The following RBPJ variants were observed in gnomAD, a reference collection of about 807,000 sequenced individuals.
The protein encoded by RBPJ is recombination signal binding protein for immunoglobulin kappa J region.
RBPJ carries 9 observed loss-of-function variants against 67.8 expected under a neutral mutation model. The ratio of observed to expected loss-of-function variants is 0.13; its 90% CI spans 0.08 to 0.23. RBPJ has a LOEUF of 0.23. RBPJ is among the 10% of genes least tolerant of loss of function. The pLI is 1.00. For missense variants in RBPJ, 305 were observed against 595.6 expected (o/e 0.51, Z 5.08); for synonymous variants, 198 against 203.3 (o/e 0.97, Z 0.22).
intron 1 of RBPJ, among the ~76,000 whole-genome samples, chr4:26,351,734 T>C (rs1044562694): frequency 2.0e-5 from 3 of 152,256 alleles, no homozygotes; most frequent in Non-Finnish European, 4.4e-5. Flanking sequence ...TCTGTCAAAA[T>C]AGCTGCTATA....
At chr4:26,269,663 ATTC>A in intron 1 of RBPJ, among the ~76,000 whole-genome samples, 1 of 152,164 alleles carries the variant, frequency 6.6e-6, no homozygotes, top group Non-Finnish European at 1.5e-5. Context: ...CTCTGTCTCA[ATTC>A]ATTCTTACAG....
intron 1 of RBPJ, among the ~76,000 whole-genome samples, chr4:26,248,055 A>C (rs7659346): frequency 2.1e-4 from 32 of 152,268 alleles, no homozygotes; most frequent in Non-Finnish European, 4.1e-4. Flanking sequence ...GCACTTTGGG[A>C]AGCTGAGGCG....
intron 1 of RBPJ, among the ~76,000 whole-genome samples, chr4:26,215,809 C>T (rs1009691253): frequency 1.3e-5 from 2 of 151,468 alleles, no homozygotes; most frequent in East Asian, 1.9e-4. Flanking sequence ...TCCCGCCTCC[C>T]GCATCCCTCT....
At chr4:26,248,239 C>T (rs753119042) in intron 1 of RBPJ, among the ~76,000 whole-genome samples, 5 of 151,984 alleles carry the variant, frequency 3.3e-5, no homozygotes, top group Non-Finnish European at 5.9e-5. Context: ...TGCAATGAGC[C>T]GAGACCATGC....
intron 1 of RBPJ, among the ~76,000 whole-genome samples, chr4:26,369,378 A>G (rs553513165): frequency 1.3e-5 from 2 of 152,348 alleles, no homozygotes; most frequent in South Asian, 2.1e-4. Flanking sequence ...CCCTTACCAA[A>G]TGATTTACCC....
the RBPJ span, among the ~76,000 whole-genome samples, chr4:26,106,860 A>C: frequency 6.6e-6 from 1 of 152,178 alleles, no homozygotes; most frequent in East Asian, 1.9e-4. Context: ...TGGACCTGGG[A>C]GAGACTGAAT....
intron 2 of RBPJ, among the ~76,000 whole-genome samples, chr4:26,387,790 G>A (rs1013071899): frequency 6.6e-6 from 1 of 152,200 alleles, no homozygotes; most frequent in Non-Finnish European, 1.5e-5. Flanking sequence ...AGTTCACTTA[G>A]GGCTATGAAT....
intron 1 of RBPJ, among the ~76,000 whole-genome samples, chr4:26,303,035 G>T (rs1722120926): frequency 1.3e-5 from 2 of 151,930 alleles, no homozygotes; most frequent in South Asian, 4.2e-4. Context: ...ACAAAAGTTT[G>T]CTGGGCATGG....
chr4:26,318,602 G>C (rs1722743084), upstream of RBPJ, among the ~76,000 whole-genome samples: 1 of 152,166 alleles, frequency 6.6e-6, no homozygotes, highest in African/African-American at 2.4e-5. Context: ...ACGGGAGCAA[G>C]AATCTATACA....
intron 1 of RBPJ, among the ~76,000 whole-genome samples, chr4:26,188,608 TA>T (rs1200629662): frequency 6.6e-6 from 1 of 152,226 alleles, no homozygotes; most frequent in Non-Finnish European, 1.5e-5. Context: ...GGACCTTAAA[TA>T]AAATTTTGTC....
chr4:26,346,782 A>G (rs1388538123), intron 1 of RBPJ, among the ~76,000 whole-genome samples: 1 of 152,152 alleles, frequency 6.6e-6, no homozygotes, highest in Non-Finnish European at 1.5e-5. Context: ...ACCTGAGGTC[A>G]GGAGTTTGAG....
At chr4:26,198,998 C>T (rs549669424) in intron 1 of RBPJ, among the ~76,000 whole-genome samples, 17 of 152,146 alleles carry the variant, frequency 1.1e-4, no homozygotes, top group Non-Finnish European at 2.2e-4. Flanking sequence ...ATTTACATTG[C>T]GATGCAACCA....
At chr4:26,270,616 C>T (rs1406208660) in intron 1 of RBPJ, among the ~76,000 whole-genome samples, 5 of 151,904 alleles carry the variant, frequency 3.3e-5, no homozygotes, top group Admixed American at 2.6e-4. Flanking sequence ...TATTAAGTAT[C>T]GCAGGCACTA....
At chr4:26,286,060 C>CCGCTGCAGTGCGCTATGATCGTGT (rs1721456127) in intron 1 of RBPJ, among the ~76,000 whole-genome samples, 2 of 152,192 alleles carry the variant, frequency 1.3e-5, no homozygotes, top group Admixed American at 1.3e-4. Flanking sequence ...TATGATCGTG[C>CCGCTGCAGTGCGCTATGATCGTGT]CGCTGCACTC....
Position 26,270,441 on chromosome 4 carries a change from A to AAAGAAAGAAAG in RBPJ, c.-166-92002_-166-91992dup, listed in dbSNP as rs1560238057. Among the ~76,000 whole-genome samples, 54 of 116,372 alleles carry AAAGAAAGAAAG rather than the reference A, an allele frequency of 4.6e-4. 3 individuals are homozygous for AAAGAAAGAAAG. The highest frequency in any genetic ancestry group is 6.9e-4 in the African/African-American group (20 of 28,958). 76.3% of individuals were successfully genotyped at this position (116,372 alleles called of 152,430 possible). ...AGAAAGAAAGAAAGAAAGAAAGAAG[A>AAAGAAAGAAAG]AAGAAAGAAAGAAAGAAAAGAAAAG... On this transcript the variant is annotated intron_variant, in intron 1 of 4. Coordinates refer to the RBPJ transcript ENST00000512351.
chr4:26,406,698 A>G (rs1403865967), intron 3 of RBPJ, among the ~76,000 whole-genome samples: 2 of 152,250 alleles, frequency 1.3e-5, no homozygotes, highest in Non-Finnish European at 2.9e-5. Context: ...TGCTACTAAC[A>G]TAAAACTTTC....
rs559181038 is a variant in RBPJ at position 26,432,795 on chromosome 4, C to G, written c.*1788C>G. ...AAACTGTAACTTCCTACAGTGTTTC[C>G]CTACAGAACATTGTCTTTCTGGTGT... On this transcript the variant is annotated 3_prime_UTR_variant, in exon 11 of 11. Coordinates refer to ENST00000355476, the MANE Select transcript of RBPJ (RefSeq NM_015874.6). 2 of 152,272 alleles carry G rather than the reference C, an allele frequency of 1.3e-5. No homozygotes were observed. Among genetic ancestry groups the G allele is most frequent in the East Asian group, 3.9e-4 (2 of 5,186 alleles). 9.4% of individuals were successfully genotyped at this position (152,272 alleles called of 1,614,324 possible). A position where few individuals can be genotyped will look rare whatever the true frequency, so the allele number is the denominator to read the frequency against.
intron 1 of RBPJ, among the ~76,000 whole-genome samples, chr4:26,231,192 GA>G (rs1719270905): frequency 6.6e-6 from 1 of 152,198 alleles, no homozygotes; most frequent in South Asian, 2.1e-4. Context: ...AACCATAGGA[GA>G]AAGGCTAGAG....
At chr4:26,399,810 C>T (rs1035097768) in intron 2 of RBPJ, among the ~76,000 whole-genome samples, 1 of 152,042 alleles carries the variant, frequency 6.6e-6, no homozygotes, top group Non-Finnish European at 1.5e-5. Context: ...TCCTGAGTAG[C>T]TGAGACTATA....
Sources: allele counts gnomAD v4.1 joint callset (sites outside exome capture counted in the v4.1 genomes callset), GRCh38; gene constraint gnomAD v4.1.1; transcripts MANE v1.5; gene names NCBI Gene and HGNC (gene_info 2026-07-23, HGNC 2026-07-21).